DLGAP1: variants seen among roughly 807,000 people sequenced by gnomAD.
DLGAP1 encodes disks large-associated protein 1.
DLGAP1 carries 11 observed loss-of-function variants against 90.8 expected under a neutral mutation model. That is an observed-to-expected ratio of 0.12 (90% CI 0.08 to 0.20). The LOEUF is 0.20. DLGAP1 is among the 10% of genes least tolerant of loss of function. The pLI is 1.00. For missense variants in DLGAP1, 1,050 were observed against 1,333.8 expected (o/e 0.79, Z 3.31); for synonymous variants, 558 against 540.7 (o/e 1.03, Z -0.44).
At chr18:3,987,197 C>T (rs191852301) in intron 3 of DLGAP1, among the ~76,000 whole-genome samples, 8 of 152,252 alleles carry the variant, frequency 5.3e-5, no homozygotes, top group African/African-American at 1.9e-4. Context: ...GCTTAGTGTT[C>T]AGACTGGGTT....
chr18:4,077,733 CTG>C (rs1381906042), intron 2 of DLGAP1, among the ~76,000 whole-genome samples: 1 of 152,100 alleles, frequency 6.6e-6, no homozygotes, highest in Non-Finnish European at 1.5e-5. Flanking sequence ...GTAAAATAAA[CTG>C]TTTTAAAAAT....
At chr18:4,405,046 T>C (rs1388986170) in intron 1 of DLGAP1, among the ~76,000 whole-genome samples, 1 of 152,212 alleles carries the variant, frequency 6.6e-6, no homozygotes, top group African/African-American at 2.4e-5. Context: ...TATAAGCAAC[T>C]ACTTAAGTTT....
intron 1 of DLGAP1, among the ~76,000 whole-genome samples, chr18:4,226,973 C>T (rs1308155822): frequency 6.6e-6 from 1 of 151,462 alleles, no homozygotes; most frequent in African/African-American, 2.4e-5. Flanking sequence ...GGGCACTTCA[C>T]CTATAAAGAA....
intron 3 of DLGAP1, among the ~76,000 whole-genome samples, chr18:3,999,310 T>C (rs1006647419): frequency 1.3e-5 from 2 of 152,142 alleles, no homozygotes; most frequent in Non-Finnish European, 2.9e-5. Context: ...AGTTTATATG[T>C]ATATAACCTG....
intron 10 of DLGAP1, among the ~76,000 whole-genome samples, chr18:3,510,701 C>T (rs1194867613): frequency 6.6e-6 from 1 of 152,152 alleles, no homozygotes; most frequent in East Asian, 1.9e-4. Context: ...ACTTTGATGG[C>T]TGGGTTCCAT....
intron 1 of DLGAP1, among the ~76,000 whole-genome samples, chr18:4,172,125 C>G (rs2077036332): frequency 6.6e-6 from 1 of 152,128 alleles, no homozygotes; most frequent in South Asian, 2.1e-4. Context: ...GAGGCAAAGA[C>G]AGCTGATTAG....
chr18:4,059,425 C>T (rs1420152607), intron 2 of DLGAP1, among the ~76,000 whole-genome samples: 1 of 152,142 alleles, frequency 6.6e-6, no homozygotes, highest in Non-Finnish European at 1.5e-5. Context: ...CACTGTTTGG[C>T]CTAAAAATAA....
intron 1 of DLGAP1, among the ~76,000 whole-genome samples, chr18:4,207,225 C>A (rs2077738753): frequency 3.9e-5 from 6 of 152,130 alleles, no homozygotes; most frequent in Admixed American, 3.9e-4. Context: ...GAACTTACAA[C>A]AATGGCGAAA....
intron 1 of DLGAP1, among the ~76,000 whole-genome samples, chr18:4,255,466 G>C (rs1385705653): frequency 1.4e-5 from 2 of 148,142 alleles, no homozygotes; most frequent in Admixed American, 6.7e-5. Flanking sequence ...AGCCAAAAGA[G>C]AGATATACAT....
In DLGAP1 at chr18:3,526,443, C is replaced by T. The variant is rs978195091; in HGVS notation, c.2479+7751G>A. Among the ~76,000 whole-genome samples the T allele has an allele frequency of 2.6e-5, 4 of 152,204 alleles. No homozygotes were observed. The highest frequency in any genetic ancestry group is 1.9e-4 in the East Asian group (1 of 5,204). ...CCATTTCAGGTGTCATTACCAGCCC[C>T]GCATTCGCTGCCAAGGGTCCCAAGC... On this transcript the variant is annotated intron_variant, in intron 10 of 12. Transcript: ENST00000315677. The surrounding 1 kb of genome is among the most constrained non-coding windows in gnomAD (Gnocchi z 4.7).
intron 1 of DLGAP1, among the ~76,000 whole-genome samples, chr18:4,370,850 C>T (rs562250123): frequency 1.3e-5 from 2 of 152,208 alleles, no homozygotes; most frequent in South Asian, 4.2e-4. Flanking sequence ...TCACTTCCTC[C>T]CCCATCTGAA....
At chr18:3,847,788 G>A (rs1435121011) in intron 4 of DLGAP1, among the ~76,000 whole-genome samples, 1 of 152,144 alleles carries the variant, frequency 6.6e-6, no homozygotes, top group Non-Finnish European at 1.5e-5. Flanking sequence ...ACACAGGTAA[G>A]TGATAAGTGC....
At chr18:3,951,471 GATTT>G (rs1026936375) in intron 3 of DLGAP1, among the ~76,000 whole-genome samples, 1 of 152,102 alleles carries the variant, frequency 6.6e-6, no homozygotes, top group Non-Finnish European at 1.5e-5. Context: ...CCTTTTGTTT[GATTT>G]ATTTATTTAT....
chr18:4,047,918 C>T (rs977547661), intron 2 of DLGAP1, among the ~76,000 whole-genome samples: 1 of 152,180 alleles, frequency 6.6e-6, no homozygotes, highest in Non-Finnish European at 1.5e-5. Flanking sequence ...ACCTCAACCT[C>T]CCAAGTAGCT....
At chr18:3,742,209 C>T (rs1351292710) in intron 6 of DLGAP1, 126 bp downstream of exon 6, 4 of 1,206,350 alleles carry the variant, frequency 3.3e-6, no homozygotes, top group East Asian at 2.5e-5. Flanking sequence ...CTTGACTGGA[C>T]CTCCTGTCTG....
chr18:3,783,932 G>C (rs541889856), intron 5 of DLGAP1, among the ~76,000 whole-genome samples: 3 of 152,174 alleles, frequency 2.0e-5, no homozygotes, highest in African/African-American at 7.2e-5. Flanking sequence ...AAGTGAAACC[G>C]ATGTTTAAGC....
chr18:3,850,820 T>A (rs767981798), intron 4 of DLGAP1, among the ~76,000 whole-genome samples: 1 of 152,186 alleles, frequency 6.6e-6, no homozygotes, highest in Non-Finnish European at 1.5e-5. Context: ...TTATTTTTTA[T>A]TTTTGAAGAT....
intron 1 of DLGAP1, among the ~76,000 whole-genome samples, chr18:4,252,995 C>A (rs2078814762): frequency 6.6e-6 from 1 of 152,176 alleles, no homozygotes; most frequent in Admixed American, 6.5e-5. Context: ...TATCTACAGG[C>A]CCAGGGCCAG....
intron 3 of DLGAP1, among the ~76,000 whole-genome samples, chr18:3,917,371 A>G (rs1371051291): frequency 1.3e-5 from 2 of 152,184 alleles, no homozygotes; most frequent in Non-Finnish European, 2.9e-5. Context: ...TCTCGCACCC[A>G]TGGGTTACAA....
Sources: gnomAD v4.1 joint callset for allele counts (sites outside exome capture counted in the v4.1 genomes callset) on GRCh38, gnomAD v4.1.1 for gene constraint, Gnocchi (gnomAD v3.1) non-coding constraint, MANE v1.5 for transcripts, NCBI Gene and HGNC (gene_info 2026-07-23, HGNC 2026-07-21) for gene names.